GPC6: variants seen among roughly 807,000 people sequenced by gnomAD.
GPC6 encodes the protein glypican 6.
Under a neutral mutation model 55.2 loss-of-function variants are expected in GPC6, and 14 were observed. The observed-to-expected ratio is 0.25, with a 90% CI of 0.17 to 0.40. The LOEUF (loss-of-function observed/expected upper bound fraction) is 0.40, where lower values mean the gene tolerates loss of function less well. Ranked by LOEUF, GPC6 falls within the 10% of genes least tolerant of loss-of-function variation. GPC6 has a pLI of 1.00. For missense variants in GPC6, 641 were observed against 708.5 expected (o/e 0.90, Z 1.08); for synonymous variants, 278 against 259.6 (o/e 1.07, Z -0.68).
chr13:93,382,689 A>G (rs1875230360), intron 1 of GPC6, among the ~76,000 whole-genome samples: 1 of 152,190 alleles, frequency 6.6e-6, no homozygotes. Flanking sequence ...TTGAAAATTG[A>G]CATTATGCCA....
At chr13:93,639,260 A>G (rs9301898) in intron 2 of GPC6, among the ~76,000 whole-genome samples, 72,824 of 151,912 alleles carry the variant, frequency 0.48, 19,121 homozygotes, top group Middle Eastern at 0.64. Context: ...ACTGAGGAGA[A>G]GGTAAGTACA....
intron 4 of GPC6, among the ~76,000 whole-genome samples, chr13:94,086,564 G>A (rs1042453120): frequency 3.9e-5 from 6 of 152,080 alleles, no homozygotes; most frequent in African/African-American, 1.4e-4. Flanking sequence ...ATGACTTAGT[G>A]AATAGAGTTC....
chr13:93,326,954 T>C (rs900740497), intron 1 of GPC6, among the ~76,000 whole-genome samples: 2 of 152,186 alleles, frequency 1.3e-5, no homozygotes, highest in African/African-American at 4.8e-5. Flanking sequence ...ACTAAAAAGC[T>C]GTAGGTGTTA....
chr13:93,781,486 T>C (rs1326701849), intron 2 of GPC6, among the ~76,000 whole-genome samples: 2 of 152,124 alleles, frequency 1.3e-5, no homozygotes, highest in African/African-American at 4.8e-5. Context: ...TTTGTACACA[T>C]CCAGGATCCT....
At chr13:93,980,920 T>C (rs576898306) in intron 3 of GPC6, among the ~76,000 whole-genome samples, 1 of 152,228 alleles carries the variant, frequency 6.6e-6, no homozygotes, top group Non-Finnish European at 1.5e-5. Context: ...CCTCAATAAA[T>C]CACTTGCACA....
At chr13:93,276,024 G>A (rs1256361755) in intron 1 of GPC6, among the ~76,000 whole-genome samples, 5 of 152,036 alleles carry the variant, frequency 3.3e-5, no homozygotes, top group South Asian at 4.2e-4. Context: ...ACAGGCGCCC[G>A]CCACCATGCC....
chr13:93,218,212 G>A, the GPC6 span, among the ~76,000 whole-genome samples: 2 of 151,328 alleles, frequency 1.3e-5, no homozygotes, highest in African/African-American at 4.9e-5. Flanking sequence ...AATAAAATGT[G>A]CGAAGTTAAT....
intron 3 of GPC6, among the ~76,000 whole-genome samples, chr13:93,850,030 G>A (rs1056272458): frequency 1.4e-4 from 22 of 152,084 alleles, no homozygotes; most frequent in African/African-American, 5.3e-4. Context: ...AATCATTCAT[G>A]CCCATGAGTA....
intron 4 of GPC6, among the ~76,000 whole-genome samples, chr13:94,279,979 T>C (rs950674425): frequency 2.0e-5 from 3 of 152,224 alleles, no homozygotes; most frequent in Non-Finnish European, 4.4e-5. Flanking sequence ...CAGAGCTGAG[T>C]TCAAGTCCTG....
intron 2 of GPC6, among the ~76,000 whole-genome samples, chr13:93,616,924 C>T (rs540553348): frequency 1.3e-5 from 2 of 152,192 alleles, no homozygotes; most frequent in South Asian, 2.1e-4. Flanking sequence ...AATAACACAT[C>T]ATTGTCAGGT....
At chr13:93,628,759 T>C (rs913596807) in intron 2 of GPC6, among the ~76,000 whole-genome samples, 1 of 152,194 alleles carries the variant, frequency 6.6e-6, no homozygotes, top group Non-Finnish European at 1.5e-5. Context: ...ATAAGATGTT[T>C]TGTAGAAATA....
intron 1 of GPC6, among the ~76,000 whole-genome samples, chr13:93,494,397 T>C (rs1382849177): frequency 6.7e-6 from 1 of 150,158 alleles, no homozygotes; most frequent in Non-Finnish European, 1.5e-5. Flanking sequence ...TCCATCCTTT[T>C]ATTTTGAGCC....
chr13:94,204,531 T>C (rs531890718), intron 4 of GPC6, among the ~76,000 whole-genome samples: 2 of 152,308 alleles, frequency 1.3e-5, no homozygotes, highest in South Asian at 4.1e-4. Flanking sequence ...GGTATTTTCT[T>C]CAATCACTAT....
Position 93,780,594 on chromosome 13 carries a change from T to TACACACACACAC in GPC6, c.320-49534_320-49523dup, listed in dbSNP as rs35134947. ...ACTTTATGGTTCACGATCACAAAAA[T>TACACACACACAC]ACACACACACACACACACACACACA... On this transcript the variant is annotated intron_variant, in intron 2 of 8. Transcript: ENST00000377047. 4.9e-4 allele frequency among the ~76,000 whole-genome samples: 71 copies of TACACACACACAC among 143,934 alleles called. No homozygotes were observed. The Middle Eastern group carries it at 0.011, about 22-fold the overall frequency. The allele number at this position is 143,934 out of a possible 152,430, so 94.4% of individuals were successfully genotyped here. A position where few individuals can be genotyped will look rare whatever the true frequency, so the allele number is the denominator to read the frequency against.
At chr13:93,417,875 C>CT (rs912602880) in intron 1 of GPC6, among the ~76,000 whole-genome samples, 1 of 151,944 alleles carries the variant, frequency 6.6e-6, no homozygotes, top group Non-Finnish European at 1.5e-5. Flanking sequence ...TAAACCTTTC[C>CT]TTCAGAAATC....
intron 4 of GPC6, among the ~76,000 whole-genome samples, chr13:94,207,197 G>GT: frequency 6.6e-6 from 1 of 152,244 alleles, no homozygotes; most frequent in East Asian, 1.9e-4. Flanking sequence ...ATGTGGCCCT[G>GT]TCTGAGATAC....
At chr13:93,344,764 C>T (rs558180329) in intron 1 of GPC6, among the ~76,000 whole-genome samples, 126 of 152,266 alleles carry the variant, frequency 8.3e-4, no homozygotes, top group African/African-American at 2.8e-3. Flanking sequence ...ATGAATGAGT[C>T]GAGTGACCAG....
At chr13:93,820,407 A>G (rs1479425433) in intron 2 of GPC6, among the ~76,000 whole-genome samples, 1 of 152,054 alleles carries the variant, frequency 6.6e-6, no homozygotes, top group African/African-American at 2.4e-5. Flanking sequence ...TATAATACAA[A>G]GTGATCCTTG....
At chr13:93,948,510 A>C (rs914450704) in intron 3 of GPC6, among the ~76,000 whole-genome samples, 1 of 152,104 alleles carries the variant, frequency 6.6e-6, no homozygotes, top group African/African-American at 2.4e-5. Flanking sequence ...TTTTTTCTTA[A>C]ATTATTAATA....
Sources: allele counts gnomAD v4.1 joint callset (sites outside exome capture counted in the v4.1 genomes callset), GRCh38; gene constraint gnomAD v4.1.1; transcripts MANE v1.5; gene names NCBI Gene and HGNC (gene_info 2026-07-23, HGNC 2026-07-21).